The following TPCN1 variants were observed in gnomAD, a reference collection of about 807,000 sequenced individuals.
TPCN1 encodes two pore channel protein 1.
A neutral mutation model predicts 108.8 loss-of-function variants in TPCN1; 52 were observed. That is an observed-to-expected ratio of 0.48 (90% CI 0.38 to 0.60). TPCN1 has a LOEUF of 0.60. TPCN1 is among the 20% of genes least tolerant of loss of function. TPCN1 has a pLI of 0.00. For synonymous variants in TPCN1, 446 were observed against 433.7 expected, an observed-to-expected ratio of 1.03 and a Z score of -0.35; for missense variants, 806 against 1,072.8, an observed-to-expected ratio of 0.75 and a Z score of 3.47.
In TPCN1 at chr12:113,273,600, C is replaced by T. The variant is rs747934436; in HGVS notation, c.874C>T (p.Arg292Trp). ...FPDVMMPSYS[R>W]NPWSCVFFIV... Reference sequence around the variant, plus strand: ...AGATGTGATGATGCCCTCCTACTCCCGGAACCCCTGGTCCTGCGTCTTCTT... The same window carrying T: ...AGATGTGATGATGCCCTCCTACTCCTGGAACCCCTGGTCCTGCGTCTTCTT... The change falls in exon 10 of 28, where the codon CGG (arginine) becomes TGG (tryptophan). Residue 292 changes from arginine to tryptophan, a missense_variant. Transcript: ENST00000335509. This position sits in a 1 kb window ranked among gnomAD's most constrained non-coding sequence, Gnocchi z 4.0. 22 of 1,614,056 alleles carry T rather than the reference C, an allele frequency of 1.4e-5. No individual in the cohort carries two copies. Among genetic ancestry groups the T allele is most frequent in the African/African-American group, 2.7e-5 (2 of 74,920 alleles).
chr12:113,295,425 C>G (rs1956392341), intron 27 of TPCN1, among the ~76,000 whole-genome samples: 1 of 132,782 alleles, frequency 7.5e-6, no homozygotes, highest in Non-Finnish European at 1.5e-5. Context: ...CTGTGCCACA[C>G]AGTGAATCTC....
Position 113,288,908 on chromosome 12 carries a change from G to A in TPCN1, c.1796+61G>A, listed in dbSNP as rs1555270666. On this transcript the variant is annotated intron_variant, in intron 21 of 27. Transcript: ENST00000335509. The surrounding 1 kb of genome is among the most constrained non-coding windows in gnomAD (Gnocchi z 4.8). ...TTTCCCGGGCAGAGGGCTGGCCAGG[G>A]CCAGGATTGGTGTCCTTGTGGCCTT... 3.2e-6 allele frequency: 5 copies of A among 1,544,428 alleles called. No homozygotes were observed. In the South Asian group the frequency reaches 3.3e-5, roughly 10 times the overall value.
chr12:113,241,799 T>C (rs1222440213), intron 2 of TPCN1, among the ~76,000 whole-genome samples: 5 of 151,012 alleles, frequency 3.3e-5, no homozygotes, highest in Non-Finnish European at 4.4e-5. Context: ...TGTGTGCGTG[T>C]GTGTGTATGA....
intron 2 of TPCN1, among the ~76,000 whole-genome samples, chr12:113,238,200 A>G (rs534459282): frequency 6.6e-6 from 1 of 152,378 alleles, no homozygotes; most frequent in Admixed American, 6.5e-5. Flanking sequence ...ATCTTGGAAT[A>G]CAGCTTGGGT....
At chr12:113,271,797 G>A (rs576176454) in intron 7 of TPCN1, among the ~76,000 whole-genome samples, 1 of 152,224 alleles carries the variant, frequency 6.6e-6, no homozygotes, top group East Asian at 1.9e-4. Context: ...GCAAGCTTCA[G>A]CTTCACTGGG....
chr12:113,229,229 A>G (rs1279296796), intron 2 of TPCN1, among the ~76,000 whole-genome samples: 1 of 152,210 alleles, frequency 6.6e-6, no homozygotes, highest in African/African-American at 2.4e-5. Context: ...GTCCAGGGAC[A>G]TTGTTTTTCC....
chr12:113,245,967 C>T, intron 2 of TPCN1: 3 of 456,124 alleles, frequency 6.6e-6, no homozygotes. Flanking sequence ...CCTGCAGGGT[C>T]ATTTCCGATG....
intron 12 of TPCN1, 82 bp downstream of exon 12, chr12:113,277,446 T>G (rs7955036): frequency 0.19 from 294,244 of 1,567,190 alleles, 28,954 homozygotes; most frequent in African/African-American, 0.32. Context: ...TGAAGGCCCT[T>G]GAGGTGGGCA....
At chr12:113,271,515 A>C (rs986150443) in intron 7 of TPCN1, among the ~76,000 whole-genome samples, 2 of 152,196 alleles carry the variant, frequency 1.3e-5, no homozygotes, top group African/African-American at 4.8e-5. Flanking sequence ...TACTTAAAAA[A>C]GTCTCTAAGT....
intron 1 of TPCN1, 37 bp from the exon 2 acceptor site, chr12:113,226,688 TTAA>T (rs1334222654): frequency 7.0e-7 from 1 of 1,428,112 alleles, no homozygotes; most frequent in Non-Finnish European, 9.5e-7. Context: ...TGGCTGTATT[TTAA>T]TAATTATCTT....
At chr12:113,256,626 G>A (rs946091127) in intron 2 of TPCN1, among the ~76,000 whole-genome samples, 1 of 152,132 alleles carries the variant, frequency 6.6e-6, no homozygotes, top group Admixed American at 6.5e-5. Context: ...GGGCTAAGGT[G>A]ATCCTCTCAC....
intron 2 of TPCN1, among the ~76,000 whole-genome samples, chr12:113,228,978 T>C (rs1341597007): frequency 6.6e-6 from 1 of 152,180 alleles, no homozygotes; most frequent in Non-Finnish European, 1.5e-5. Flanking sequence ...TTTAAGTCCC[T>C]CCAACGTGCC....
At chr12:113,246,648 G>A (rs1954398075) in intron 2 of TPCN1, among the ~76,000 whole-genome samples, 1 of 152,226 alleles carries the variant, frequency 6.6e-6, no homozygotes, top group South Asian at 2.1e-4. Context: ...TCTGGAGGAG[G>A]CAGTGGAGGG....
At chr12:113,265,368 C>A (rs375083631) in intron 3 of TPCN1, among the ~76,000 whole-genome samples, 2 of 152,066 alleles carry the variant, frequency 1.3e-5, no homozygotes, top group African/African-American at 4.8e-5. Flanking sequence ...GGTGAAGGAA[C>A]CTTCCCAGCA....
chr12:113,235,156 C>A (rs1313457782), intron 2 of TPCN1, among the ~76,000 whole-genome samples: 2 of 152,266 alleles, frequency 1.3e-5, no homozygotes, highest in South Asian at 2.1e-4. Flanking sequence ...AAAGAAAGAC[C>A]AGATTTCATT....
At chr12:113,227,826 G>C (rs533263078) in intron 2 of TPCN1, among the ~76,000 whole-genome samples, 1 of 152,286 alleles carries the variant, frequency 6.6e-6, no homozygotes, top group East Asian at 1.9e-4. Flanking sequence ...TTTGTCCAGG[G>C]AGAATTCAGT....
intron 10 of TPCN1, among the ~76,000 whole-genome samples, chr12:113,276,604 G>A (rs1389140063): frequency 1.3e-5 from 2 of 152,162 alleles, no homozygotes; most frequent in Non-Finnish European, 2.9e-5. Context: ...TTGCCCCTGC[G>A]CAGCCTGGGA....
At chr12:113,238,865 T>C (rs954525453) in intron 2 of TPCN1, among the ~76,000 whole-genome samples, 1 of 152,034 alleles carries the variant, frequency 6.6e-6, no homozygotes, top group Non-Finnish European at 1.5e-5. Context: ...GGCGCAGTGG[T>C]TCACCCTGTA....
At chr12:113,293,198 C>A (rs759370921) in intron 26 of TPCN1, 71 bp from the exon 27 acceptor site, 1 of 1,602,494 alleles carries the variant, frequency 6.2e-7, no homozygotes, top group South Asian at 1.1e-5. Flanking sequence ...AAGTGGGAGA[C>A]GCCAACTGTG....
Sources: allele counts gnomAD v4.1 joint callset (sites outside exome capture counted in the v4.1 genomes callset), GRCh38; gene constraint gnomAD v4.1.1; non-coding constraint Gnocchi (gnomAD v3.1); transcripts MANE v1.5; gene names NCBI Gene and HGNC (gene_info 2026-07-23, HGNC 2026-07-21).